DDI2: variants seen among roughly 807,000 people sequenced by gnomAD.
The protein encoded by DDI2 is DDI proteasomal shuttling factor 2.
A neutral mutation model predicts 48.1 loss-of-function variants in DDI2; 5 were observed. The observed-to-expected ratio is 0.10, with a 90% CI of 0.05 to 0.22. The LOEUF is 0.22. Among genes scored for constraint, DDI2 ranks in the 10% least tolerant of loss-of-function variants. The probability of loss-of-function intolerance (pLI) is 1.00; values close to 1 mark genes in which losing one functional copy is unlikely to be tolerated. For missense variants in DDI2, 285 were observed against 506.2 expected (o/e 0.56, Z 4.19); for synonymous variants, 205 against 183.6 (o/e 1.12, Z -0.94).
chr1:15,650,897 C>G (rs1254334916), intron 7 of DDI2, among the ~76,000 whole-genome samples: 2 of 152,220 alleles, frequency 1.3e-5, no homozygotes, highest in Admixed American at 1.3e-4. Context: ...CTCAGTTGCC[C>G]AGGCTGGAGT....
chr1:15,639,716 G>A (rs1268259694), intron 5 of DDI2, among the ~76,000 whole-genome samples: 1 of 152,184 alleles, frequency 6.6e-6, no homozygotes, highest in Non-Finnish European at 1.5e-5. Flanking sequence ...TTAAGAGTTT[G>A]TACCTTGAGA....
chr1:15,645,867 C>T (rs1041367146), intron 6 of DDI2, among the ~76,000 whole-genome samples: 1 of 95,720 alleles, frequency 1.0e-5, no homozygotes, highest in South Asian at 3.7e-4. Context: ...GAACTCGTCT[C>T]AAAAAAAAAA....
chr1:15,626,830 C>A, intron 2 of DDI2, 32 bp downstream of exon 2: 1 of 1,613,762 alleles, frequency 6.2e-7, no homozygotes, highest in Non-Finnish European at 8.5e-7. Flanking sequence ...CATCCCCCAG[C>A]AGAACCATCA....
chr1:15,649,041 C>G (rs1242857744), intron 6 of DDI2, among the ~76,000 whole-genome samples: 1 of 151,726 alleles, frequency 6.6e-6, no homozygotes. Context: ...CAAGACCAGC[C>G]TGGTCAATAT....
At chr1:15,655,726 C>G (rs1178683519) in intron 8 of DDI2, among the ~76,000 whole-genome samples, 5 of 148,590 alleles carry the variant, frequency 3.4e-5, no homozygotes, top group Admixed American at 6.8e-5. Flanking sequence ...GCACTCCAGC[C>G]TGGGCAACAG....
At chr1:15,636,223 G>A (rs890482813) in intron 4 of DDI2, among the ~76,000 whole-genome samples, 4 of 151,812 alleles carry the variant, frequency 2.6e-5, no homozygotes, top group Non-Finnish European at 5.9e-5. Flanking sequence ...CAACTTCTTA[G>A]GCTCAGGTGA....
intron 8 of DDI2, among the ~76,000 whole-genome samples, chr1:15,653,039 CA>C (rs368378713): frequency 6.6e-6 from 1 of 151,926 alleles, no homozygotes; most frequent in African/African-American, 2.4e-5. Flanking sequence ...TTTAGTATTT[CA>C]ACAGATTAAG....
At position 15,663,192 on chromosome 1, in the gene DDI2, AGT is replaced by A. The variant is rs1426307876; in HGVS notation, c.*3404_*3405del. 6.6e-6 allele frequency: 1 copy of A among 152,210 alleles called. No individual in the cohort carries two copies. The highest frequency in any genetic ancestry group is 1.5e-5 in the Non-Finnish European group (1 of 68,046). 9.4% of individuals were successfully genotyped at this position (152,210 alleles called of 1,614,324 possible). A position where few individuals can be genotyped will look rare whatever the true frequency, so the allele number is the denominator to read the frequency against. On this transcript the variant is annotated 3_prime_UTR_variant, in exon 10 of 10. Transcript: ENST00000480945. ...ATGTTTGAAACAGAAGCTTCGAAAG[AGT>A]GATTTCTCAACTTAGTGTTAAATGA...
At chr1:15,653,375 A>G (rs888381986) in intron 8 of DDI2, among the ~76,000 whole-genome samples, 1 of 152,128 alleles carries the variant, frequency 6.6e-6, no homozygotes, top group East Asian at 1.9e-4. Context: ...TCAGTCTCAC[A>G]GGCTCAAGCA....
At chr1:15,621,459 A>G (rs1445507934) in intron 1 of DDI2, among the ~76,000 whole-genome samples, 2 of 152,014 alleles carry the variant, frequency 1.3e-5, no homozygotes, top group Admixed American at 6.6e-5. Context: ...CTCACAGGTC[A>G]CTGTAGCCTC....
intron 6 of DDI2, among the ~76,000 whole-genome samples, chr1:15,646,263 C>T (rs1291723904): frequency 6.6e-6 from 1 of 152,246 alleles, no homozygotes; most frequent in Non-Finnish European, 1.5e-5. Context: ...GTATTTATGA[C>T]CAGTTCCTAT....
chr1:15,659,133 A>G (rs1640318377), intron 9 of DDI2, among the ~76,000 whole-genome samples: 1 of 152,166 alleles, frequency 6.6e-6, no homozygotes. Context: ...ACCCAGTTTT[A>G]CCATGATTTT....
At chr1:15,637,115 T>C (rs1639941879) in intron 4 of DDI2, among the ~76,000 whole-genome samples, 1 of 152,122 alleles carries the variant, frequency 6.6e-6, no homozygotes, top group Non-Finnish European at 1.5e-5. Context: ...TTTAAGGGAG[T>C]AGAAAAAAAT....
At chr1:15,640,732 CT>C (rs1341708616) in intron 5 of DDI2, among the ~76,000 whole-genome samples, 8 of 152,350 alleles carry the variant, frequency 5.3e-5, no homozygotes, top group African/African-American at 1.9e-4. Context: ...TCCAAATTCC[CT>C]TTTCCTTCAT....
chr1:15,667,916 T>TA lies in DDI2; in HGVS notation c.*8126_*8127insA, dbSNP rs1458766425. ...TAGGGCACTATCTTCTGGAATGAAA[T>TA]CGGCCAAGAAAATGGTTCAAGGGCA... On this transcript the variant is annotated 3_prime_UTR_variant, in exon 10 of 10. Transcript: ENST00000480945. The TA allele has an allele frequency of 6.6e-6, 1 of 152,138 alleles. No individual in the cohort carries two copies. The highest frequency in any genetic ancestry group is 1.9e-4 in the East Asian group (1 of 5,196). The allele number at this position is 152,138 out of a possible 1,614,324, so 9.4% of individuals were successfully genotyped here. A position where few individuals can be genotyped will look rare whatever the true frequency, so the allele number is the denominator to read the frequency against.
At position 15,660,108 on chromosome 1, in the gene DDI2, T is replaced by C; in HGVS notation, c.*318T>C. On this transcript the variant is annotated 3_prime_UTR_variant, in exon 10 of 10. Transcript: ENST00000480945. ...TTTCTTTACAAGATCTTTCTGATCA[T>C]GCTTCCTCAGCAGACCATGCTCCAA... 1 of 1,614,198 alleles carries C rather than the reference T, an allele frequency of 6.2e-7. No individual in the cohort carries two copies. The highest frequency in any genetic ancestry group is 8.5e-7 in the Non-Finnish European group (1 of 1,180,018).
Position 15,661,979 on chromosome 1 carries a change from T to G in DDI2, c.*2189T>G. ...TTGGCAGTATGTGCATACAGAAGCT[T>G]TTTATTCTCATTAAGATGTATCCTG... On this transcript the variant is annotated 3_prime_UTR_variant, in exon 10 of 10. Coordinates refer to ENST00000480945, the MANE Select transcript of DDI2 (RefSeq NM_032341.5). 2.7e-6 allele frequency: 1 copy of G among 370,212 alleles called. No individual in the cohort carries two copies. Among genetic ancestry groups the G allele is most frequent in the Non-Finnish European group, 4.8e-6 (1 of 209,770 alleles). 22.9% of individuals were successfully genotyped at this position (370,212 alleles called of 1,614,324 possible).
chr1:15,621,054 A>G (rs1639652119), intron 1 of DDI2, among the ~76,000 whole-genome samples: 1 of 152,192 alleles, frequency 6.6e-6, no homozygotes, highest in African/African-American at 2.4e-5. Context: ...AGTGATAACA[A>G]ATTTAGAACA....
chr1:15,653,199 T>C (rs1421930704), intron 8 of DDI2, among the ~76,000 whole-genome samples: 2 of 152,112 alleles, frequency 1.3e-5, no homozygotes, highest in Admixed American at 6.5e-5. Flanking sequence ...AGTAAGCAGA[T>C]GTTAACTTTT....
Sources: gnomAD v4.1 joint callset for allele counts (sites outside exome capture counted in the v4.1 genomes callset) on GRCh38, gnomAD v4.1.1 for gene constraint, MANE v1.5 for transcripts, NCBI Gene and HGNC (gene_info 2026-07-23, HGNC 2026-07-21) for gene names.